The following MAST2 variants were observed in gnomAD, a reference collection of about 807,000 sequenced individuals.
The protein encoded by MAST2 is microtubule-associated serine/threonine-protein kinase 2.
In MAST2, 70 loss-of-function variants were observed where a neutral mutation model predicts 147.4. The ratio of observed to expected loss-of-function variants is 0.47; its 90% confidence interval spans 0.39 to 0.58. MAST2 has a LOEUF of 0.58. Ranked by LOEUF, MAST2 falls within the 20% of genes least tolerant of loss-of-function variation. The pLI is 0.00. For missense variants in MAST2, 2,080 were observed against 2,302.3 expected (o/e 0.90, Z 1.98); for synonymous variants, 869 against 896.8 (o/e 0.97, Z 0.55).
chr1:45,815,858 C>T (rs548355098), intron 1 of MAST2, among the ~76,000 whole-genome samples: 1 of 152,288 alleles, frequency 6.6e-6, no homozygotes, highest in East Asian at 1.9e-4. Context: ...CAGGGCCATG[C>T]CTAACTACTG....
chr1:45,838,367 G>T lies in MAST2; in HGVS notation c.468+8786G>T, dbSNP rs150353942. 3.5e-3 allele frequency among the ~76,000 whole-genome samples: 525 copies of T among 151,264 alleles called. 6 individuals are homozygous for T. The highest frequency in any genetic ancestry group is 0.033 in the East Asian group (169 of 5,108). On this transcript the variant is annotated intron_variant, in intron 3 of 28. Transcript: ENST00000361297. ...CCTGAGTAGCTGGGATTACAGGCAT[G>T]CACCACCATGCCTGGCTAATTTTCT...
chr1:46,033,739 G>C, intron 26 of MAST2, 63 bp from the exon 27 acceptor site: 2 of 1,587,722 alleles, frequency 1.3e-6, no homozygotes, highest in Admixed American at 3.4e-5. Context: ...GGGAAGGATT[G>C]GGGGAGGGGA....
intron 4 of MAST2, chr1:45,917,201 G>A: frequency 2.6e-6 from 1 of 380,158 alleles, no homozygotes; most frequent in East Asian, 7.6e-5. Flanking sequence ...TGGTACTGAA[G>A]TATGATATTG....
intron 4 of MAST2, among the ~76,000 whole-genome samples, chr1:45,937,751 C>CAAAAAAAAAAAAAAAAAAAAAAA (rs34830747): frequency 1.4e-5 from 1 of 73,222 alleles, no homozygotes; most frequent in African/African-American, 5.4e-5. Flanking sequence ...AACTCCATCT[C>CAAAAAAAAAAAAAAAAAAAAAAA]AAAAAAAAAA....
chr1:45,970,667 CAAAAAAAAAA>C (rs754544108), intron 5 of MAST2, among the ~76,000 whole-genome samples: 1 of 72,432 alleles, frequency 1.4e-5, no homozygotes, highest in East Asian at 5.0e-4. Flanking sequence ...GACTCTGTCT[CAAAAAAAAAA>C]AAAAAAAAAA....
At chr1:45,970,125 G>A (rs756443771) in intron 5 of MAST2, among the ~76,000 whole-genome samples, 11 of 152,118 alleles carry the variant, frequency 7.2e-5, no homozygotes, top group African/African-American at 1.9e-4. Context: ...ATGCTCCGGC[G>A]CGTATCAAAA....
chr1:45,916,393 G>T (rs1280086681), intron 4 of MAST2, among the ~76,000 whole-genome samples: 2 of 152,048 alleles, frequency 1.3e-5, no homozygotes, highest in Non-Finnish European at 2.9e-5. Flanking sequence ...ATCATGTGTC[G>T]TTTCTACTAA....
chr1:46,023,519 G>A lies in MAST2; in HGVS notation c.1571+201G>A, dbSNP rs974637176. 55 of 623,952 alleles carry A rather than the reference G, an allele frequency of 8.8e-5. No individual in the cohort carries two copies. Among genetic ancestry groups the A allele is most frequent in the South Asian group, 1.8e-4 (9 of 51,064 alleles). 38.7% of individuals were successfully genotyped at this position (623,952 alleles called of 1,614,324 possible). On this transcript the variant is annotated intron_variant, in intron 14 of 28. Coordinates refer to ENST00000361297, the MANE Select transcript of MAST2 (RefSeq NM_015112.3). This position sits in a 1 kb window ranked among gnomAD's most constrained non-coding sequence, Gnocchi z 4.9. ...TTCCTTTCCCAGACAAGATTCCCAC[G>A]CCTCTTACTACCACGCATCCTCCAT...
chr1:45,976,642 T>A (rs1175626169), intron 5 of MAST2, among the ~76,000 whole-genome samples: 1 of 152,202 alleles, frequency 6.6e-6, no homozygotes, highest in Admixed American at 6.5e-5. Context: ...AATTTGTGAA[T>A]TGTACGATAA....
chr1:45,907,846 A>G (rs1043034227), intron 4 of MAST2, among the ~76,000 whole-genome samples: 15 of 152,170 alleles, frequency 9.9e-5, no homozygotes, highest in Non-Finnish European at 1.8e-4. Context: ...GGCTTATGTC[A>G]CTTAGCATAA....
chr1:46,001,249 C>T (rs1240028843), intron 6 of MAST2, among the ~76,000 whole-genome samples: 1 of 152,158 alleles, frequency 6.6e-6, no homozygotes, highest in Non-Finnish European at 1.5e-5. Context: ...CCCTTATTCC[C>T]ACAGCTTTGC....
At chr1:46,011,347 A>T (rs954687241) in intron 10 of MAST2, among the ~76,000 whole-genome samples, 1 of 152,206 alleles carries the variant, frequency 6.6e-6, no homozygotes. Flanking sequence ...GCCAAGGGAA[A>T]ACAGGTATGA....
intron 4 of MAST2, among the ~76,000 whole-genome samples, chr1:45,947,327 A>C (rs991375752): frequency 1.3e-5 from 2 of 151,768 alleles, no homozygotes; most frequent in African/African-American, 4.8e-5. Context: ...AAAAAAAAAA[A>C]AAAACCCAAA....
chr1:45,950,581 G>T (rs966279804), intron 4 of MAST2, among the ~76,000 whole-genome samples: 3 of 152,124 alleles, frequency 2.0e-5, no homozygotes, highest in Non-Finnish European at 4.4e-5. Flanking sequence ...CTAGAAGCTG[G>T]TTCTGGGCTG....
chr1:46,017,113 G>T (rs1645983771), intron 10 of MAST2, among the ~76,000 whole-genome samples: 1 of 152,160 alleles, frequency 6.6e-6, no homozygotes, highest in Admixed American at 6.5e-5. Flanking sequence ...GAGAAAACTG[G>T]CTAGCCATAT....
At chr1:45,988,214 A>G (rs1266333901) in intron 5 of MAST2, among the ~76,000 whole-genome samples, 3 of 151,916 alleles carry the variant, frequency 2.0e-5, no homozygotes, top group Non-Finnish European at 4.4e-5. Context: ...TGGTCTGGCT[A>G]TGTTGCCCAG....
chr1:45,860,315 C>T (rs1399616903), intron 3 of MAST2, among the ~76,000 whole-genome samples: 2 of 125,830 alleles, frequency 1.6e-5, no homozygotes, highest in Admixed American at 1.6e-4. Context: ...ACCTGGGAGA[C>T]AGAGGTTGGA....
At chr1:45,989,638 T>C (rs979279080) in intron 5 of MAST2, among the ~76,000 whole-genome samples, 5 of 152,212 alleles carry the variant, frequency 3.3e-5, no homozygotes, top group Non-Finnish European at 5.9e-5. Flanking sequence ...GTTATAAAGT[T>C]CTGTATGTTT....
intron 5 of MAST2, among the ~76,000 whole-genome samples, chr1:45,962,984 C>T (rs1215427336): frequency 6.6e-6 from 1 of 152,184 alleles, no homozygotes; most frequent in Non-Finnish European, 1.5e-5. Flanking sequence ...CTACATATGG[C>T]TAGCCAGTTT....
Sources: allele counts gnomAD v4.1 joint callset (sites outside exome capture counted in the v4.1 genomes callset), GRCh38; gene constraint gnomAD v4.1.1; non-coding constraint Gnocchi (gnomAD v3.1); transcripts MANE v1.5; gene names NCBI Gene and HGNC (gene_info 2026-07-23, HGNC 2026-07-21).